The following PHKB variants were observed in gnomAD, a reference collection of about 807,000 sequenced individuals.
The protein encoded by PHKB is phosphorylase kinase regulatory subunit beta.
In PHKB, 122 loss-of-function variants were observed where a neutral mutation model predicts 152.1. The observed-to-expected ratio is 0.80, with a 90% CI of 0.69 to 0.93. The LOEUF (loss-of-function observed/expected upper bound fraction) is 0.93, where lower values mean the gene tolerates loss of function less well. Ranked by LOEUF, PHKB falls within the 40% of genes least tolerant of loss-of-function variation. PHKB has a pLI of 0.00. For synonymous variants in PHKB, 436 were observed against 464.9 expected (o/e 0.94, Z 0.80); for missense variants, 1,304 against 1,328.4 (o/e 0.98, Z 0.29).
At chr16:47,572,798 C>A (rs1971684823) in intron 7 of PHKB, among the ~76,000 whole-genome samples, 1 of 152,194 alleles carries the variant, frequency 6.6e-6, no homozygotes, top group African/African-American at 2.4e-5. Flanking sequence ...GCCTCCTGAG[C>A]AGCCTGATTG....
Position 47,580,376 on chromosome 16 carries a change from C to T in PHKB, c.774+18C>T. Reference sequence around the variant, plus strand: ...GCAACCAGGTAAAAAATAAGACCCCCAGAATCTTTGATTATTTGAATTGCA... The same window carrying T: ...GCAACCAGGTAAAAAATAAGACCCCTAGAATCTTTGATTATTTGAATTGCA... On this transcript the variant is annotated intron_variant, in intron 8 of 30. Transcript: ENST00000323584. 6.4e-7 allele frequency: 1 copy of T among 1,554,136 alleles called. No homozygotes were observed.
intron 7 of PHKB, among the ~76,000 whole-genome samples, chr16:47,560,851 A>G (rs577081221): frequency 4.1e-4 from 62 of 152,184 alleles, no homozygotes; most frequent in Non-Finnish European, 6.8e-4. Context: ...TTTTATATCA[A>G]TTGAAAAGTA....
chr16:47,549,528 TA>T (rs1023486142), intron 7 of PHKB, among the ~76,000 whole-genome samples: 8 of 150,550 alleles, frequency 5.3e-5, no homozygotes, highest in Admixed American at 6.6e-5. Context: ...TGTCTCTACT[TA>T]AAAAAAAATA....
At chr16:47,517,962 C>A (rs1042155600) in intron 6 of PHKB, among the ~76,000 whole-genome samples, 1 of 152,114 alleles carries the variant, frequency 6.6e-6, no homozygotes, top group Non-Finnish European at 1.5e-5. Context: ...AGTAAATGGA[C>A]CTGCATAGAA....
chr16:47,588,015 G>A (rs1273479111), intron 9 of PHKB, among the ~76,000 whole-genome samples: 1 of 152,042 alleles, frequency 6.6e-6, no homozygotes, highest in Non-Finnish European at 1.5e-5. Context: ...TTCTTTTGGG[G>A]GAGTAGCAAC....
chr16:47,658,781 G>T (rs529080267), intron 20 of PHKB, among the ~76,000 whole-genome samples: 1 of 150,630 alleles, frequency 6.6e-6, no homozygotes, highest in Non-Finnish European at 1.5e-5. Flanking sequence ...TTCTCAGAAT[G>T]TATCTTGGTC....
Position 47,590,020 on chromosome 16 carries a change from G to C in PHKB, c.1068+918G>C, listed in dbSNP as rs796850182. On this transcript the variant is annotated intron_variant, in intron 10 of 30. Transcript: ENST00000323584. ...TTGGCCAGGCTGGTCTTCAACTCCT[G>C]ACCAAGTGATCTGCCCTCCTAGGCC... 9.2e-4 allele frequency among the ~76,000 whole-genome samples: 140 copies of C among 152,266 alleles called. 1 individual carries two copies. The highest frequency in any genetic ancestry group is 3.2e-3 in the African/African-American group (134 of 41,556).
intron 4 of PHKB, among the ~76,000 whole-genome samples, chr16:47,507,852 G>C (rs1433946543): frequency 6.6e-6 from 1 of 152,148 alleles, no homozygotes; most frequent in Non-Finnish European, 1.5e-5. Context: ...TTCACATCTT[G>C]TTGCTGCTTG....
At chr16:47,624,059 G>A (rs1445261028) in intron 14 of PHKB, among the ~76,000 whole-genome samples, 3 of 152,070 alleles carry the variant, frequency 2.0e-5, no homozygotes, top group South Asian at 2.1e-4. Context: ...TATAATTTTT[G>A]TATATTTTCA....
intron 7 of PHKB, chr16:47,548,254 A>G (rs1179355599): frequency 6.6e-6 from 1 of 152,326 alleles, no homozygotes; most frequent in East Asian, 1.9e-4. Flanking sequence ...AAAAGATGTA[A>G]GAATTTAAGC....
At chr16:47,545,710 A>G (rs940302829) in intron 6 of PHKB, among the ~76,000 whole-genome samples, 31 of 151,972 alleles carry the variant, frequency 2.0e-4, no homozygotes, top group Admixed American at 5.2e-4. Flanking sequence ...TCCATTCTCT[A>G]TCCCTTTCAG....
rs912874554 is a variant in PHKB at position 47,466,324 on chromosome 16, A to G, written c.76+4898A>G. Among the ~76,000 whole-genome samples the G allele has an allele frequency of 2.0e-5, 3 of 152,364 alleles. No homozygotes were observed. The East Asian group carries it at 5.8e-4, about 29-fold the overall frequency. On this transcript the variant is annotated intron_variant, in intron 1 of 30. Transcript: ENST00000323584. ...ATAATTATTAGAGAAGGAATGTAGC[A>G]TTCAATACCTTAGATTGCTTCCGTT...
intron 6 of PHKB, among the ~76,000 whole-genome samples, chr16:47,533,320 C>T (rs575293921): frequency 1.3e-5 from 2 of 152,290 alleles, no homozygotes; most frequent in South Asian, 2.1e-4. Context: ...CACGTTCTCA[C>T]CCCAGTCCAC....
chr16:47,478,207 T>G (rs1969902380), intron 1 of PHKB, among the ~76,000 whole-genome samples: 1 of 152,158 alleles, frequency 6.6e-6, no homozygotes, highest in Admixed American at 6.5e-5. Context: ...AGAGTTATTT[T>G]TATTCTTGTG....
At chr16:47,591,076 C>T (rs2151698736) in intron 10 of PHKB, among the ~76,000 whole-genome samples, 1 of 152,288 alleles carries the variant, frequency 6.6e-6, no homozygotes, top group African/African-American at 2.4e-5. Context: ...TTGACACCCT[C>T]ACTTGTTTTC....
intron 6 of PHKB, among the ~76,000 whole-genome samples, chr16:47,516,149 A>T (rs1471709589): frequency 6.6e-6 from 1 of 152,040 alleles, no homozygotes; most frequent in Non-Finnish European, 1.5e-5. Flanking sequence ...GGCAGTCTTG[A>T]TCTCCTGACC....
rs367589902 is a variant in PHKB, at chr16:47,520,269, A to G, written c.594+4668A>G. Among the ~76,000 whole-genome samples, 8 of 152,364 alleles carry G rather than the reference A, an allele frequency of 5.3e-5. No individual in the cohort carries two copies. In the East Asian group the frequency reaches 1.2e-3, roughly 22 times the overall value. On this transcript the variant is annotated intron_variant, in intron 6 of 30. Transcript: ENST00000323584. Reference sequence around the variant, plus strand: ...CTTGTTTCTAAAATTATATGTAGCAATAGTAATAATGACTAACATTATATA... The same window carrying G: ...CTTGTTTCTAAAATTATATGTAGCAGTAGTAATAATGACTAACATTATATA...
At chr16:47,547,384 A>G in intron 6 of PHKB, 49 bp from the exon 7 acceptor site, 1 of 1,150,844 alleles carries the variant, frequency 8.7e-7, no homozygotes, top group Non-Finnish European at 1.3e-6. Context: ...CACCCGGCCT[A>G]TGTCCTGTTA....
At chr16:47,461,562 G>T in intron 1 of PHKB, 136 bp downstream of exon 1, 1 of 879,196 alleles carries the variant, frequency 1.1e-6, no homozygotes, top group Admixed American at 2.1e-5. Context: ...GCAGGTGGCG[G>T]CCCTGGCCTT....
Sources: gnomAD v4.1 joint callset for allele counts (sites outside exome capture counted in the v4.1 genomes callset) on GRCh38, gnomAD v4.1.1 for gene constraint, MANE v1.5 for transcripts, NCBI Gene and HGNC (gene_info 2026-07-23, HGNC 2026-07-21) for gene names.